Variants in IMMP2L observed in about 807,000 individuals in gnomAD.
The protein encoded by IMMP2L is mitochondrial inner membrane protease subunit 2.
A neutral mutation model predicts 19.3 loss-of-function variants in IMMP2L; 18 were observed. The ratio of observed to expected loss-of-function variants is 0.93; its 90% CI spans 0.64 to 1.38. The LOEUF (loss-of-function observed/expected upper bound fraction) is 1.38. IMMP2L is among the 40% of genes most tolerant of loss of function. The pLI, the probability that IMMP2L is intolerant of heterozygous loss-of-function variation, is 0.00. For synonymous variants in IMMP2L, 76 were observed against 73.0 expected (o/e 1.04, Z -0.21); for missense variants, 233 against 218.2 (o/e 1.07, Z -0.43).
At chr7:111,269,211 G>C (rs1233253860) in intron 3 of IMMP2L, among the ~76,000 whole-genome samples, 1 of 152,146 alleles carries the variant, frequency 6.6e-6, no homozygotes, top group Non-Finnish European at 1.5e-5. Context: ...GCTCATTTAA[G>C]AAACACTTTT....
chr7:111,087,463 A>G (rs1796448924), intron 3 of IMMP2L, among the ~76,000 whole-genome samples: 1 of 152,056 alleles, frequency 6.6e-6, no homozygotes, highest in Middle Eastern at 3.4e-3. Flanking sequence ...AAAGAAAAAA[A>G]AAAAAAAACA....
At chr7:111,215,455 T>C (rs1188717600) in intron 3 of IMMP2L, among the ~76,000 whole-genome samples, 1 of 152,178 alleles carries the variant, frequency 6.6e-6, no homozygotes, top group Non-Finnish European at 1.5e-5. Flanking sequence ...GAAGATATTC[T>C]AGCCTATTTG....
At chr7:110,913,837 A>G (rs1361850597) in intron 4 of IMMP2L, among the ~76,000 whole-genome samples, 1 of 152,154 alleles carries the variant, frequency 6.6e-6, no homozygotes, top group Non-Finnish European at 1.5e-5. Context: ...TGAGGACTGT[A>G]AATTAGATGC....
In IMMP2L at chr7:111,085,665, T is replaced by C. The variant is rs141063742; in HGVS notation, c.240-122100A>G. On this transcript the variant is annotated intron_variant, in intron 3 of 5. Transcript: ENST00000405709. ...GTCTGTTCATATCCTTTGACCGCTT[T>C]TTATAAAGACACATGCACATGTATG... 4.2e-4 allele frequency among the ~76,000 whole-genome samples: 64 copies of C among 152,306 alleles called. 1 individual carries two copies. The East Asian group carries it at 0.012, about 29-fold the overall frequency.
intron 3 of IMMP2L, chr7:111,392,970 A>G (rs976086769): frequency 5.1e-6 from 2 of 394,546 alleles, no homozygotes; most frequent in South Asian, 1.9e-5. Context: ...TCAGAACCCA[A>G]GCATTTAGGG....
chr7:111,008,340 A>G (rs905632276), intron 3 of IMMP2L, among the ~76,000 whole-genome samples: 6 of 152,052 alleles, frequency 3.9e-5, no homozygotes, highest in Non-Finnish European at 7.4e-5. Flanking sequence ...CTTTGAGCAT[A>G]CCAAGAATGC....
chr7:111,136,914 G>A (rs1486115367), intron 3 of IMMP2L, among the ~76,000 whole-genome samples: 1 of 152,120 alleles, frequency 6.6e-6, no homozygotes, highest in Non-Finnish European at 1.5e-5. Flanking sequence ...AACATCACTA[G>A]CAAGTTTTTA....
At position 110,816,923 on chromosome 7, in the gene IMMP2L, T is replaced by C. The variant is rs147722168; in HGVS notation, c.408+69670A>G. ...GATGGGTCTTGACTCTTTATCCAAT[T>C]TGCCAGACTGCGTCTTTTAATTGGA... is the stretch of plus-strand genomic sequence containing the variant. On this transcript the variant is annotated intron_variant, in intron 5 of 5. Coordinates refer to ENST00000405709, the MANE Select transcript of IMMP2L (RefSeq NM_032549.4). Among the ~76,000 whole-genome samples, 1,135 of 152,244 alleles carry C rather than the reference T, an allele frequency of 7.5e-3. 10 individuals are homozygous for C. The highest frequency in any genetic ancestry group is 0.026 in the African/African-American group (1,073 of 41,562).
At chr7:111,300,499 A>C (rs1822108343) in intron 3 of IMMP2L, among the ~76,000 whole-genome samples, 2 of 152,116 alleles carry the variant, frequency 1.3e-5, no homozygotes, top group African/African-American at 4.8e-5. Flanking sequence ...CATCTTGCAA[A>C]AATATGATGC....
At chr7:110,835,645 G>T in intron 5 of IMMP2L, among the ~76,000 whole-genome samples, 1 of 113,988 alleles carries the variant, frequency 8.8e-6, no homozygotes, top group East Asian at 2.1e-4. Flanking sequence ...AAACTCAGTA[G>T]CATTTTTTTT....
At chr7:110,919,196 G>A (rs921548742) in intron 4 of IMMP2L, among the ~76,000 whole-genome samples, 3 of 127,810 alleles carry the variant, frequency 2.3e-5, no homozygotes, top group Non-Finnish European at 4.7e-5. Context: ...ACTTTCAAAT[G>A]TAACTTTTAT....
At chr7:110,889,783 GC>G (rs1810603723) in intron 4 of IMMP2L, among the ~76,000 whole-genome samples, 2 of 152,156 alleles carry the variant, frequency 1.3e-5, no homozygotes, top group Admixed American at 6.5e-5. Flanking sequence ...TACATGATCT[GC>G]ACAAGTTGAT....
intron 3 of IMMP2L, among the ~76,000 whole-genome samples, chr7:111,098,761 C>A (rs1047927083): frequency 8.6e-5 from 13 of 151,634 alleles, no homozygotes; most frequent in Non-Finnish European, 1.9e-4. Flanking sequence ...AAGTAACTTG[C>A]CATAACTAAT....
intron 3 of IMMP2L, among the ~76,000 whole-genome samples, chr7:111,372,037 G>A (rs1224687923): frequency 1.3e-5 from 2 of 151,936 alleles, no homozygotes; most frequent in Non-Finnish European, 2.9e-5. Flanking sequence ...CAAAGTTTCA[G>A]TATTCCAATT....
At chr7:111,288,277 A>G (rs1488280906) in intron 3 of IMMP2L, among the ~76,000 whole-genome samples, 1 of 152,186 alleles carries the variant, frequency 6.6e-6, no homozygotes, top group African/African-American at 2.4e-5. Flanking sequence ...ATTTGTTAAT[A>G]AAATTAACTC....
intron 4 of IMMP2L, among the ~76,000 whole-genome samples, chr7:110,905,558 T>A (rs191722937): frequency 1.5e-4 from 23 of 152,214 alleles, no homozygotes; most frequent in African/African-American, 5.5e-4. Flanking sequence ...AACTAAAGGA[T>A]AAATAGAACT....
At chr7:111,387,474 G>T (rs1831876436) in intron 3 of IMMP2L, among the ~76,000 whole-genome samples, 1 of 152,072 alleles carries the variant, frequency 6.6e-6, no homozygotes, top group South Asian at 2.1e-4. Flanking sequence ...ACTCGTTTTA[G>T]CTATTGCTTA....
rs574972573 is a variant in IMMP2L at position 111,035,810 on chromosome 7, C to A, written c.240-72245G>T. ...CTATCTATATTCTTCAACAAAGTAA[C>A]CCCTTTCCTAAATGGAATCATCTGA... On this transcript the variant is annotated intron_variant, in intron 3 of 5. Transcript: ENST00000405709. Among the ~76,000 whole-genome samples, 7 of 152,220 alleles carry A rather than the reference C, an allele frequency of 4.6e-5. No individual in the cohort carries two copies. In the South Asian group the frequency reaches 1.5e-3, roughly 32 times the overall value.
At chr7:110,749,938 T>C (rs1046107712) in intron 5 of IMMP2L, among the ~76,000 whole-genome samples, 7 of 152,000 alleles carry the variant, frequency 4.6e-5, no homozygotes, top group Non-Finnish European at 1.0e-4. Flanking sequence ...AACTTCAGAT[T>C]AGAGCAAACC....
Sources: gnomAD v4.1 joint callset for allele counts (sites outside exome capture counted in the v4.1 genomes callset) on GRCh38, gnomAD v4.1.1 for gene constraint, MANE v1.5 for transcripts, NCBI Gene and HGNC (gene_info 2026-07-23, HGNC 2026-07-21) for gene names.